Variants in ARHGAP39 observed in about 807,000 individuals in gnomAD.
The protein encoded by ARHGAP39 is rho GTPase-activating protein 39.
A neutral mutation model predicts 106.9 loss-of-function variants in ARHGAP39; 44 were observed. The observed-to-expected ratio is 0.41, with a 90% CI of 0.32 to 0.53. ARHGAP39 has a LOEUF of 0.53. Ranked by LOEUF, ARHGAP39 falls within the 20% of genes least tolerant of loss-of-function variation. ARHGAP39 has a pLI of 0.21. For missense variants in ARHGAP39, 1,496 were observed against 1,577.3 expected (o/e 0.95, Z 0.87); for synonymous variants, 768 against 693.2 (o/e 1.11, Z -1.69).
intron 3 of ARHGAP39, among the ~76,000 whole-genome samples, chr8:144,575,850 G>A (rs1463230219): frequency 6.6e-6 from 1 of 152,212 alleles, no homozygotes; most frequent in Non-Finnish European, 1.5e-5. Context: ...CATCACCACA[G>A]ACTTGCGAGT....
At chr8:144,681,501 G>A (rs1212138233) in intron 1 of ARHGAP39, among the ~76,000 whole-genome samples, 1 of 152,210 alleles carries the variant, frequency 6.6e-6, no homozygotes, top group Non-Finnish European at 1.5e-5. Flanking sequence ...ACAGCAGAGG[G>A]GCTTTGCTAG....
In ARHGAP39 at chr8:144,664,160, C is replaced by G. The variant is rs530972820; in HGVS notation, c.-82+21526G>C. On this transcript the variant is annotated intron_variant, in intron 1 of 11. Transcript: ENST00000377307. ...CCAGACTGGGTGACAGAGTGAGACTCTGTCCCCCCAAAAAAAAGAAAAAAA... is the reference window on the plus strand; with the variant it reads ...CCAGACTGGGTGACAGAGTGAGACTGTGTCCCCCCAAAAAAAAGAAAAAAA... Among the ~76,000 whole-genome samples, 4 of 152,138 alleles carry G rather than the reference C, an allele frequency of 2.6e-5. No individual in the cohort carries two copies. The South Asian group carries it at 8.3e-4, about 32-fold the overall frequency.
At position 144,670,849 on chromosome 8, in the gene ARHGAP39, C is replaced by T. The variant is rs994199460; in HGVS notation, c.-82+14837G>A. On this transcript the variant is annotated intron_variant, in intron 1 of 11. Transcript: ENST00000377307. The surrounding 1 kb of genome is among the most constrained non-coding windows in gnomAD (Gnocchi z 4.4). ...TAGACTCTGAGCTTCAAGAGACAAA[C>T]GCTTTACCCCTGCACTGCCAGCCCC... 6.6e-6 allele frequency among the ~76,000 whole-genome samples: 1 copy of T among 152,208 alleles called. No individual in the cohort carries two copies. The highest frequency in any genetic ancestry group is 1.5e-5 in the Non-Finnish European group (1 of 68,036).
At chr8:144,687,034 G>A (rs1485133092), upstream of ARHGAP39, among the ~76,000 whole-genome samples, 10 of 104,852 alleles carry the variant, frequency 9.5e-5, no homozygotes, top group South Asian at 9.2e-4. Context: ...ACGCACTGGC[G>A]GCGAGCACTT....
rs1379533446 is a variant in ARHGAP39, at chr8:144,645,140, C to G, written c.-81-39445G>C. ...AACAAGAAGTGGGTCCTAAGCCTGG[C>G]TCTGCACAGCTCCAAAACCCCATCC... is the stretch of plus-strand genomic sequence containing the variant. On this transcript the variant is annotated intron_variant, in intron 1 of 11. Coordinates refer to ENST00000377307, the MANE Select transcript of ARHGAP39 (RefSeq NM_025251.3). This position sits in a 1 kb window ranked among gnomAD's most constrained non-coding sequence, Gnocchi z 4.4. Among the ~76,000 whole-genome samples, 1 of 152,240 alleles carries G rather than the reference C, an allele frequency of 6.6e-6. No individual in the cohort carries two copies. The highest frequency in any genetic ancestry group is 1.5e-5 in the Non-Finnish European group (1 of 68,036).
At position 144,602,847 on chromosome 8, in the gene ARHGAP39, CGT is replaced by C. The variant is rs150712443; in HGVS notation, c.80+2686_80+2687del. On this transcript the variant is annotated intron_variant, in intron 2 of 11. Coordinates refer to ENST00000377307, the MANE Select transcript of ARHGAP39 (RefSeq NM_025251.3). ...GTGTACCTGTGTGCATGGAGGCGTG[CGT>C]GTGAGCTCGTGTACCTGTGTGCATG... Among the ~76,000 whole-genome samples, 124 of 112,136 alleles carry C rather than the reference CGT, an allele frequency of 1.1e-3. No individual in the cohort carries two copies. In the East Asian group the frequency reaches 0.026, roughly 24 times the overall value. 73.6% of individuals were successfully genotyped at this position (112,136 alleles called of 152,430 possible). A position where few individuals can be genotyped will look rare whatever the true frequency, so the allele number is the denominator to read the frequency against.
intron 1 of ARHGAP39, among the ~76,000 whole-genome samples, chr8:144,613,028 A>G (rs948247033): frequency 1.1e-4 from 17 of 152,136 alleles, no homozygotes; most frequent in Non-Finnish European, 8.8e-5. Context: ...ATCAGCTGTA[A>G]TTTGTTGCTT....
At chr8:144,589,190 T>C (rs1038242644) in intron 2 of ARHGAP39, among the ~76,000 whole-genome samples, 1 of 152,156 alleles carries the variant, frequency 6.6e-6, no homozygotes, top group Non-Finnish European at 1.5e-5. Flanking sequence ...GCCTGTGCCA[T>C]TTCCACGTAA....
At position 144,606,610 on chromosome 8, in the gene ARHGAP39, A is replaced by AAGG. The variant is rs537326469; in HGVS notation, c.-81-918_-81-916dup. The stretch of plus-strand genomic sequence containing the variant: ...TTGTAGTTAAGAGAAGGAGGAGGAG[A>AAGG]AGGAGGAGGAGGAGGAGGAGGTGAC... On this transcript the variant is annotated intron_variant, in intron 1 of 11. Transcript: ENST00000377307. 1.0e-3 allele frequency among the ~76,000 whole-genome samples: 155 copies of AAGG among 150,876 alleles called. 1 individual carries two copies. The highest frequency in any genetic ancestry group is 1.3e-3 in the Admixed American group (20 of 15,194).
intron 1 of ARHGAP39, among the ~76,000 whole-genome samples, chr8:144,657,550 C>T (rs1389609384): frequency 6.6e-6 from 1 of 152,166 alleles, no homozygotes. Context: ...AAGAAAACTA[C>T]AGACCAATAT....
rs142704622 is a variant in ARHGAP39 at position 144,585,538 on chromosome 8, C to A, written c.81-4261G>T. 2.0e-5 allele frequency among the ~76,000 whole-genome samples: 3 copies of A among 152,176 alleles called. No individual in the cohort carries two copies. The highest frequency in any genetic ancestry group is 2.9e-5 in the Non-Finnish European group (2 of 68,018). On this transcript the variant is annotated intron_variant, in intron 2 of 11. Coordinates refer to ENST00000377307, the MANE Select transcript of ARHGAP39 (RefSeq NM_025251.3). This position sits in a 1 kb window ranked among gnomAD's most constrained non-coding sequence, Gnocchi z 4.6. ...CCAGGGCAACTCTCCCTGGAGACAA[C>A]CCTTGGCCTCAGCCCATGATACAAA...
intron 5 of ARHGAP39, among the ~76,000 whole-genome samples, chr8:144,546,598 G>C (rs1218465686): frequency 6.6e-6 from 1 of 152,232 alleles, no homozygotes; most frequent in African/African-American, 2.4e-5. Flanking sequence ...ACGGGATCTA[G>C]CCTCCATCAG....
rs780895531 is a variant in ARHGAP39 at position 144,533,235 on chromosome 8, T to C, written c.2779A>G (p.Met927Val). 6.2e-7 allele frequency: 1 copy of C among 1,613,114 alleles called. No homozygotes were observed. Among genetic ancestry groups the C allele is most frequent in the South Asian group, 1.1e-5 (1 of 91,088 alleles). ...SMFGSALQEV[M>V]GMQRERYPER... ...GGGTAGCGCTCTCTCTGCATGCCCA[T>C]GACCTCCTGCAGTGCGCTGCCGAAC... Residue 927 changes from methionine (M) to valine (V), a missense_variant, in exon 9 of 12, where the codon ATG becomes GTG. Coordinates refer to ENST00000377307, the MANE Select transcript of ARHGAP39 (RefSeq NM_025251.3).
At chr8:144,600,160 T>C (rs1819796442) in intron 2 of ARHGAP39, among the ~76,000 whole-genome samples, 2 of 151,608 alleles carry the variant, frequency 1.3e-5, no homozygotes, top group Admixed American at 6.6e-5. Flanking sequence ...CCTGTGTGTG[T>C]GCGTGGAGGC....
chr8:144,547,661 C>A lies in ARHGAP39; in HGVS notation c.1425G>T (p.Trp475Cys). ...AGGACAGGGTGTCCTGCTGGCTGGA[C>A]CAGGACATGGCATCCTCCTGGGCCT... ...LPQAQEDAMS[W>C]SSQQDTLSST... is the part of the protein sequence containing the mutation. The change falls in exon 5 of 12, where the codon TGG becomes TGT. Residue 475 changes from tryptophan to cysteine, a missense_variant. Transcript: ENST00000377307. This position sits in a 1 kb window ranked among gnomAD's most constrained non-coding sequence, Gnocchi z 5.2. 1 of 1,556,722 alleles carries A rather than the reference C, an allele frequency of 6.4e-7. No homozygotes were observed. The highest frequency in any genetic ancestry group is 8.7e-7 in the Non-Finnish European group (1 of 1,154,966).
Position 144,530,392 on chromosome 8 carries a change from G to GGA in ARHGAP39, c.*28_*29dup. 1.3e-6 allele frequency: 2 copies of GGA among 1,564,680 alleles called. No individual in the cohort carries two copies. The highest frequency in any genetic ancestry group is 2.3e-5 in the South Asian group (2 of 86,716). ...GAGTTCGGCCTGGCTGGGGGCGGCA[G>GGA]GACATCCCTCCTGTCCCCGGGCGCC... On this transcript the variant is annotated 3_prime_UTR_variant, in exon 12 of 12. Transcript: ENST00000377307.
At chr8:144,601,051 G>C (rs1819892867) in intron 2 of ARHGAP39, among the ~76,000 whole-genome samples, 1 of 139,486 alleles carries the variant, frequency 7.2e-6, no homozygotes, top group South Asian at 2.4e-4. Context: ...TGTGCACATG[G>C]AGGCGTGCGT....
intron 1 of ARHGAP39, among the ~76,000 whole-genome samples, chr8:144,682,981 C>A (rs572056145): frequency 1.7e-4 from 26 of 152,136 alleles, no homozygotes; most frequent in African/African-American, 6.0e-4. Flanking sequence ...CGCACCACTG[C>A]ACTCCAGCCT....
In ARHGAP39 at chr8:144,662,216, G is replaced by A. The variant is rs114625260; in HGVS notation, c.-82+23470C>T. 4.6e-3 allele frequency among the ~76,000 whole-genome samples: 655 copies of A among 142,778 alleles called. 4 individuals are homozygous for A. Among genetic ancestry groups the A allele is most frequent in the African/African-American group, 0.017 (627 of 37,878 alleles). 93.7% of individuals were successfully genotyped at this position (142,778 alleles called of 152,430 possible). On this transcript the variant is annotated intron_variant, in intron 1 of 11. Transcript: ENST00000377307. ...CCCTCCCCATTATCCGCCTTGGACCGCTCCCCCGTCAGCATTATCCACCTT... is the reference window on the plus strand; with the variant it reads ...CCCTCCCCATTATCCGCCTTGGACCACTCCCCCGTCAGCATTATCCACCTT...
Sources: allele counts gnomAD v4.1 joint callset (sites outside exome capture counted in the v4.1 genomes callset), GRCh38; gene constraint gnomAD v4.1.1; non-coding constraint Gnocchi (gnomAD v3.1); transcripts MANE v1.5; gene names NCBI Gene and HGNC (gene_info 2026-07-23, HGNC 2026-07-21).